The following SLC28A2 variants were observed in gnomAD, a reference collection of about 807,000 sequenced individuals.
The protein encoded by SLC28A2 is solute carrier family 28 member 2, also known as sodium/nucleoside cotransporter 2.
A neutral mutation model predicts 72.9 loss-of-function variants in SLC28A2; 69 were observed. That is an observed-to-expected ratio of 0.95 (90% CI 0.78 to 1.16). The LOEUF is 1.16. Ranked by LOEUF, SLC28A2 falls within the 50% of genes most tolerant of loss-of-function variation. The pLI is 0.00. For missense variants in SLC28A2, 745 were observed against 791.1 expected (o/e 0.94, Z 0.70); for synonymous variants, 296 against 294.1 (o/e 1.01, Z -0.07).
chr15:45,260,414 G>A (rs1033784454), intron 3 of SLC28A2, among the ~76,000 whole-genome samples: 6 of 152,194 alleles, frequency 3.9e-5, no homozygotes, highest in African/African-American at 1.2e-4. Flanking sequence ...GGCCAGGATT[G>A]AAATTAAATT....
At position 45,275,578 on chromosome 15, in the gene SLC28A2, T is replaced by G. The variant is rs1184159861; in HGVS notation, c.*65T>G. 1 of 999,424 alleles carries G rather than the reference T, an allele frequency of 1.0e-6. No homozygotes were observed. Among genetic ancestry groups the G allele is most frequent in the African/African-American group, 1.6e-5 (1 of 62,462 alleles). 61.9% of individuals were successfully genotyped at this position (999,424 alleles called of 1,614,324 possible). On this transcript the variant is annotated 3_prime_UTR_variant, in exon 18 of 18. Coordinates refer to ENST00000347644, the MANE Select transcript of SLC28A2 (RefSeq NM_004212.4). ...AGCTTTGTGATTGCAAAGGTGTTTA[T>G]GTACTCAGGGTGCCCACAACTCACT...
Position 45,276,892 on chromosome 15 carries a change from C to T in SLC28A2, c.*1379C>T, listed in dbSNP as rs1387101077. On this transcript the variant is annotated 3_prime_UTR_variant, in exon 18 of 18. Coordinates refer to ENST00000347644, the MANE Select transcript of SLC28A2 (RefSeq NM_004212.4). ...CTAAGGAATATCCATTTCTTAAAGG[C>T]CATTACTTTGTTGTAGTATTCTGCT... is the stretch of plus-strand genomic sequence containing the variant. 1 of 152,162 alleles carries T rather than the reference C, an allele frequency of 6.6e-6. No homozygotes were observed. The highest frequency in any genetic ancestry group is 1.5e-5 in the Non-Finnish European group (1 of 68,032). 9.4% of individuals were successfully genotyped at this position (152,162 alleles called of 1,614,324 possible). A position where few individuals can be genotyped will look rare whatever the true frequency, so the allele number is the denominator to read the frequency against.
chr15:45,267,735 G>A lies in SLC28A2; in HGVS notation c.1138G>A (p.Ala380Thr). The change falls in exon 12 of 18, where the codon GCG (alanine) becomes ACG (threonine). Residue 380 changes from alanine (A) to threonine (T), a missense_variant. Transcript: ENST00000347644. Reference sequence around the variant, plus strand: ...TTGTGCTCTCGCCTCATCAAAGCTAGCGTATCCGGAAGTGGAGGAGTCCAA... The same window carrying A: ...TTGTGCTCTCGCCTCATCAAAGCTAACGTATCCGGAAGTGGAGGAGTCCAA... Reference protein sequence around the residue: ...APCALASSKLAYPEVEESKFK... With the variant: ...APCALASSKLTYPEVEESKFK... The A allele has an allele frequency of 6.2e-7, 1 of 1,614,118 alleles. No individual in the cohort carries two copies. Among genetic ancestry groups the A allele is most frequent in the Non-Finnish European group, 8.5e-7 (1 of 1,180,016 alleles).
chr15:45,267,857 G>A (rs1032443460), intron 12 of SLC28A2, 61 bp downstream of exon 12: 1 of 1,586,126 alleles, frequency 6.3e-7, no homozygotes, highest in African/African-American at 1.3e-5. Context: ...GTGGCACTGT[G>A]GTGGCAGAGA....
chr15:45,252,244 T>C lies in SLC28A2; in HGVS notation c.-51T>C, dbSNP rs1433374963. On this transcript the variant is annotated 5_prime_UTR_variant, in exon 1 of 18. Transcript: ENST00000347644. ...CTGAGCTTTTCTTTCAGTCCTTCACTGAGGAGCCAGAGGGAATCAATTCCA... is the reference window on the plus strand; with the variant it reads ...CTGAGCTTTTCTTTCAGTCCTTCACCGAGGAGCCAGAGGGAATCAATTCCA... 2 of 455,618 alleles carry C rather than the reference T, an allele frequency of 4.4e-6. No homozygotes were observed. Among genetic ancestry groups the C allele is most frequent in the African/African-American group, 4.0e-5 (2 of 50,024 alleles). The allele number at this position is 455,618 out of a possible 1,614,324, so 28.2% of individuals were successfully genotyped here. A position where few individuals can be genotyped will look rare whatever the true frequency, so the allele number is the denominator to read the frequency against.
intron 15 of SLC28A2, 78 bp downstream of exon 15, chr15:45,270,354 A>G: frequency 1.0e-6 from 1 of 964,358 alleles, no homozygotes; most frequent in South Asian, 1.3e-5. Context: ...CTGGTGCTTC[A>G]GTACAAGCTG....
At chr15:45,274,990 A>C (rs986273383) in intron 17 of SLC28A2, among the ~76,000 whole-genome samples, 1 of 152,182 alleles carries the variant, frequency 6.6e-6, no homozygotes, top group African/African-American at 2.4e-5. Context: ...CACATACTGA[A>C]GATCATTGAA....
rs376027400 is a variant in SLC28A2, at chr15:45,256,810, C to G, written c.170+3290C>G. Among the ~76,000 whole-genome samples, 14 of 152,130 alleles carry G rather than the reference C, an allele frequency of 9.2e-5. No homozygotes were observed. The East Asian group carries it at 1.3e-3, about 15-fold the overall frequency. ...CCACATAGATTTCTTGTTTCCAGTT[C>G]TCCCCACCTCCTGCCAATCTATCCT... On this transcript the variant is annotated intron_variant, in intron 3 of 17. Transcript: ENST00000347644.
In SLC28A2 at chr15:45,262,069, C is replaced by A. The variant is rs1060896; in HGVS notation, c.225C>A (p.Ser75Arg). 962,604 of 1,610,694 alleles carry A rather than the reference C, an allele frequency of 0.6. 308,023 individuals carry two copies. The highest frequency in any genetic ancestry group is 0.67 in the Non-Finnish European group (787,184 of 1,177,300). ...GAAGTTTCTGCAAAACACACGCCAG[C>A]TTGTTCAAGAAGATCCTGTTGGGCC... is the stretch of plus-strand genomic sequence containing the variant. ...KARSFCKTHASLFKKILLGLL... is the reference protein window; with the variant it reads ...KARSFCKTHARLFKKILLGLL... The change falls in exon 4 of 18, where the codon AGC becomes AGA. Residue 75 changes from serine (S) to arginine (R), a missense_variant. By Grantham distance (110) the Ser-to-Arg change is moderately radical (BLOSUM62 -1). Transcript: ENST00000347644.
intron 6 of SLC28A2, 117 bp downstream of exon 6, chr15:45,264,139 C>A: frequency 2.0e-6 from 2 of 979,058 alleles, no homozygotes; most frequent in Non-Finnish European, 2.8e-6. Context: ...TCATAACAAC[C>A]CCTAGAATTT....
In SLC28A2 at chr15:45,267,568, C is replaced by T. The variant is rs765309042; in HGVS notation, c.1056C>T (p.Phe352=). ...TTTCTGGCACTGTGCTGGGAGCCTT[C>T]ATAGCCTTTGGGGTAGGCATAGTCT... ...ATISGTVLGA[F]IAFGVDASSL... Residue 352 remains phenylalanine, a synonymous_variant, in exon 11 of 18, where the codon TTC becomes TTT. Coordinates refer to ENST00000347644, the MANE Select transcript of SLC28A2 (RefSeq NM_004212.4). 10 of 1,614,170 alleles carry T rather than the reference C, an allele frequency of 6.2e-6. No individual in the cohort carries two copies. The highest frequency in any genetic ancestry group is 2.7e-5 in the African/African-American group (2 of 75,036).
In SLC28A2 at chr15:45,269,193, A is replaced by G. The variant is rs112650112; in HGVS notation, c.1369-145A>G. ...AATAATAAAAAAAAAACAACCATGC[A>G]TGTCCTTCTGACCCACAGTAAGCCA... is the stretch of plus-strand genomic sequence containing the variant. On this transcript the variant is annotated intron_variant, in intron 13 of 17. Transcript: ENST00000347644. 439 of 658,042 alleles carry G rather than the reference A, an allele frequency of 6.7e-4. No individual in the cohort carries two copies. In the African/African-American group the frequency reaches 7.3e-3, roughly 11 times the overall value. 40.8% of individuals were successfully genotyped at this position (658,042 alleles called of 1,614,324 possible). A position where few individuals can be genotyped will look rare whatever the true frequency, so the allele number is the denominator to read the frequency against.
Position 45,269,390 on chromosome 15 carries a change from GGACAGAC to G in SLC28A2, c.1422_1428del (p.Trp474CysfsTer15), listed in dbSNP as rs1900468170. On this transcript the variant is annotated frameshift_variant, in exon 14 of 18. Transcript: ENST00000347644. LOFTEE classifies it high-confidence loss of function. The stretch of plus-strand genomic sequence containing the variant: ...ATGGTTTTCATGATGGGTGTAGAGT[GGACAGAC>G]TGTCCAATGGTGGCTGAGATGGTGG... The G allele has an allele frequency of 6.2e-7, 1 of 1,613,942 alleles. No individual in the cohort carries two copies. Among genetic ancestry groups the G allele is most frequent in the Non-Finnish European group, 8.5e-7 (1 of 1,179,930 alleles).
chr15:45,274,747 C>CCT lies in SLC28A2; in HGVS notation c.1860-649_1860-648insCT, dbSNP rs1158089088. On this transcript the variant is annotated intron_variant, in intron 17 of 17. Coordinates refer to ENST00000347644, the MANE Select transcript of SLC28A2 (RefSeq NM_004212.4). ...TTGCTCTGGCATCGTTTTGATTCTT[C>CCT]TTTTTTTTTTTTTTTGAGACACAGG... Among the ~76,000 whole-genome samples the CCT allele has an allele frequency of 1.7e-3, 201 of 119,942 alleles. 1 individual carries two copies. Among genetic ancestry groups the CCT allele is most frequent in the African/African-American group, 0.01 (194 of 18,938 alleles). The allele number at this position is 119,942 out of a possible 152,430, so 78.7% of individuals were successfully genotyped here.
At chr15:45,270,352 TC>T in intron 15 of SLC28A2, 76 bp downstream of exon 15, 1 of 978,646 alleles carries the variant, frequency 1.0e-6, no homozygotes, top group Non-Finnish European at 1.7e-6. Flanking sequence ...TCCTGGTGCT[TC>T]AGTACAAGCT....
rs983256524 is a variant in SLC28A2 at position 45,277,159 on chromosome 15, A to G, written c.*1646A>G. ...AAGAATTACCTGGTCCCAAACGTCA[A>G]TTGTGCTGAGACTCAGAAACTCTGA... On this transcript the variant is annotated 3_prime_UTR_variant, in exon 18 of 18. Coordinates refer to ENST00000347644, the MANE Select transcript of SLC28A2 (RefSeq NM_004212.4). The G allele has an allele frequency of 1.3e-5, 2 of 151,772 alleles. No individual in the cohort carries two copies. Among genetic ancestry groups the G allele is most frequent in the Non-Finnish European group, 2.9e-5 (2 of 67,950 alleles). The allele number at this position is 151,772 out of a possible 1,614,324, so 9.4% of individuals were successfully genotyped here. A position where few individuals can be genotyped will look rare whatever the true frequency, so the allele number is the denominator to read the frequency against.
At chr15:45,256,015 A>G (rs917800541) in intron 3 of SLC28A2, 1 of 152,132 alleles carries the variant, frequency 6.6e-6, no homozygotes, top group Non-Finnish European at 1.5e-5. Context: ...AACAAGAATA[A>G]TATTAGTACT....
chr15:45,252,237 C>T lies in SLC28A2; in HGVS notation c.-58C>T, dbSNP rs1899812251. The T allele has an allele frequency of 1.3e-5, 6 of 455,530 alleles. No individual in the cohort carries two copies. Among genetic ancestry groups the T allele is most frequent in the South Asian group, 4.6e-5 (3 of 64,544 alleles). The allele number at this position is 455,530 out of a possible 1,614,324, so 28.2% of individuals were successfully genotyped here. On this transcript the variant is annotated 5_prime_UTR_variant, in exon 1 of 18. Transcript: ENST00000347644. ...CTCGCAGCTGAGCTTTTCTTTCAGT[C>T]CTTCACTGAGGAGCCAGAGGGAATC...
At chr15:45,262,143 G>A in intron 4 of SLC28A2, 37 bp downstream of exon 4, 1 of 1,459,268 alleles carries the variant, frequency 6.9e-7, no homozygotes, top group South Asian at 1.2e-5. Flanking sequence ...GAGAAACACA[G>A]TTATTTTAGA....
Sources: gnomAD v4.1 joint callset for allele counts (sites outside exome capture counted in the v4.1 genomes callset) on GRCh38, gnomAD v4.1.1 for gene constraint, MANE v1.5 for transcripts, NCBI Gene and HGNC (gene_info 2026-07-23, HGNC 2026-07-21) for gene names.